Variants in PCDH9 observed in about 807,000 individuals in gnomAD.
The protein encoded by PCDH9 is protocadherin-9.
In PCDH9, 24 loss-of-function variants were observed where a neutral mutation model predicts 70.6. The ratio of observed to expected loss-of-function variants is 0.34; its 90% CI spans 0.25 to 0.48. PCDH9 has a LOEUF of 0.48. Among genes scored for constraint, PCDH9 ranks in the 20% least tolerant of loss-of-function variants. The pLI is 0.99. For missense variants in PCDH9, 1,281 were observed against 1,503.6 expected (o/e 0.85, Z 2.45); for synonymous variants, 562 against 558.5 (o/e 1.01, Z -0.09).
chr13:66,557,766 T>C (rs1177477686), intron 4 of PCDH9, among the ~76,000 whole-genome samples: 1 of 152,186 alleles, frequency 6.6e-6, no homozygotes, highest in Non-Finnish European at 1.5e-5. Flanking sequence ...TGGTTTCTGA[T>C]AAATACAAAG....
chr13:66,763,239 T>C (rs190917349), intron 3 of PCDH9, among the ~76,000 whole-genome samples: 3 of 152,094 alleles, frequency 2.0e-5, no homozygotes, highest in Admixed American at 1.3e-4. Flanking sequence ...AAAGCCATGA[T>C]AAATACATAT....
At chr13:66,729,249 C>T (rs922416323) in intron 3 of PCDH9, among the ~76,000 whole-genome samples, 1 of 152,090 alleles carries the variant, frequency 6.6e-6, no homozygotes, top group Non-Finnish European at 1.5e-5. Flanking sequence ...AAATTAAAAA[C>T]TCTGCTAAGG....
chr13:67,111,425 G>A (rs908610782), intron 2 of PCDH9, among the ~76,000 whole-genome samples: 1 of 152,074 alleles, frequency 6.6e-6, no homozygotes, highest in African/African-American at 2.4e-5. Flanking sequence ...TGAGCATGAG[G>A]CCAAAGGGGC....
intron 4 of PCDH9, among the ~76,000 whole-genome samples, chr13:66,363,209 G>A (rs780170421): frequency 6.6e-6 from 1 of 152,064 alleles, no homozygotes; most frequent in Non-Finnish European, 1.5e-5. Flanking sequence ...TACAACTTGT[G>A]TAAAGGTCCT....
chr13:66,619,450 ATTTATTT>A (rs2077396411), intron 4 of PCDH9, among the ~76,000 whole-genome samples: 1 of 152,116 alleles, frequency 6.6e-6, no homozygotes, highest in African/African-American at 2.4e-5. Context: ...CTAGAATTTT[ATTTATTT>A]TTTAAGTGTG....
At chr13:66,517,319 T>C (rs569633451) in intron 4 of PCDH9, among the ~76,000 whole-genome samples, 5 of 152,262 alleles carry the variant, frequency 3.3e-5, no homozygotes, top group Admixed American at 6.5e-5. Context: ...CCATTTATGA[T>C]ATAAACTGCA....
chr13:66,881,815 A>G (rs1351934153), intron 3 of PCDH9, among the ~76,000 whole-genome samples: 4 of 152,120 alleles, frequency 2.6e-5, no homozygotes. Flanking sequence ...AAGAAATAAA[A>G]CAGTGTGTAT....
chr13:66,723,765 G>T (rs1033288148), intron 3 of PCDH9, among the ~76,000 whole-genome samples: 2 of 152,042 alleles, frequency 1.3e-5, no homozygotes, highest in Non-Finnish European at 2.9e-5. Flanking sequence ...GGAAGGAGAG[G>T]TTTGCCAGCA....
intron 4 of PCDH9, among the ~76,000 whole-genome samples, chr13:66,370,395 G>A (rs1471647798): frequency 6.6e-6 from 1 of 151,516 alleles, no homozygotes; most frequent in Non-Finnish European, 1.5e-5. Flanking sequence ...ACCCCTTTTT[G>A]TTTCGGTAAA....
intron 3 of PCDH9, among the ~76,000 whole-genome samples, chr13:66,671,221 C>T (rs1347074103): frequency 6.6e-6 from 1 of 152,112 alleles, no homozygotes; most frequent in Non-Finnish European, 1.5e-5. Flanking sequence ...AACTGTGAGT[C>T]CATTAAACCT....
chr13:66,977,577 C>T (rs908620154), intron 2 of PCDH9: 10 of 152,092 alleles, frequency 6.6e-5, no homozygotes, highest in African/African-American at 2.4e-4. Context: ...CAGAATCATG[C>T]AGCTTCTCTA....
At chr13:67,169,084 C>T (rs1413012402) in intron 2 of PCDH9, among the ~76,000 whole-genome samples, 1 of 152,150 alleles carries the variant, frequency 6.6e-6, no homozygotes, top group Admixed American at 6.5e-5. Context: ...AAATATTATC[C>T]TCACATTGTG....
intron 3 of PCDH9, among the ~76,000 whole-genome samples, chr13:66,829,717 C>CAAA (rs562176354): frequency 0.038 from 1,994 of 52,908 alleles, 291 homozygotes; most frequent in African/African-American, 0.056. Flanking sequence ...GACTCCGTCT[C>CAAA]AAAAAAAAAA....
chr13:67,144,352 G>A (rs4884716), intron 2 of PCDH9, among the ~76,000 whole-genome samples: 62,108 of 151,924 alleles, frequency 0.41, 13,354 homozygotes, highest in East Asian at 0.63. Flanking sequence ...TTTTCATCCT[G>A]ATTAATAGTG....
At chr13:66,716,106 G>A (rs552892236) in intron 3 of PCDH9, among the ~76,000 whole-genome samples, 114 of 152,272 alleles carry the variant, frequency 7.5e-4, no homozygotes, top group Non-Finnish European at 1.3e-3. Context: ...TAGCTGTAAA[G>A]CATTCAGAAT....
At chr13:66,970,166 C>T (rs572287397) in intron 2 of PCDH9, among the ~76,000 whole-genome samples, 1 of 152,108 alleles carries the variant, frequency 6.6e-6, no homozygotes, top group South Asian at 2.1e-4. Context: ...ATTAGAATTT[C>T]AGAAAATCTA....
chr13:66,727,701 A>T (rs7988943), intron 3 of PCDH9, among the ~76,000 whole-genome samples: 20,836 of 152,104 alleles, frequency 0.14, 1,608 homozygotes, highest in African/African-American at 0.2. Context: ...CTAAATTATT[A>T]TCCTCTCTCT....
At chr13:67,019,779 A>G (rs914431519) in intron 2 of PCDH9, among the ~76,000 whole-genome samples, 4 of 152,172 alleles carry the variant, frequency 2.6e-5, no homozygotes, top group African/African-American at 9.7e-5. Flanking sequence ...AGAAGCTGCA[A>G]GAGACTCCTA....
chr13:66,594,468 GTTTATTTTATTTTATTTTATTTTAT>G (rs57782546), intron 4 of PCDH9, among the ~76,000 whole-genome samples: 8,745 of 139,678 alleles, frequency 0.063, 324 homozygotes, highest in South Asian at 0.11. Flanking sequence ...GTTACTTTTT[GTTTATTTTATTTTATTTTATTTTAT>G]TTTATTTTAT....
Sources: allele counts gnomAD v4.1 joint callset (sites outside exome capture counted in the v4.1 genomes callset), GRCh38; gene constraint gnomAD v4.1.1; transcripts MANE v1.5; gene names NCBI Gene and HGNC (gene_info 2026-07-23, HGNC 2026-07-21).